BTRC: variants seen among roughly 807,000 people sequenced by gnomAD.
BTRC encodes beta-transducin repeat containing E3 ubiquitin protein ligase.
A neutral mutation model predicts 85.5 loss-of-function variants in BTRC; 42 were observed. That is an observed-to-expected ratio of 0.49 (90% CI 0.38 to 0.64). BTRC has a LOEUF of 0.64. Ranked by LOEUF, BTRC falls within the 30% of genes least tolerant of loss-of-function variation. BTRC has a pLI of 0.00. For missense variants in BTRC, 594 were observed against 743.5 expected, an observed-to-expected ratio of 0.80 and a Z score of 2.34; for synonymous variants, 255 against 263.3, an observed-to-expected ratio of 0.97 and a Z score of 0.30.
At chr10:101,489,551 T>C (rs528992090) in intron 4 of BTRC, among the ~76,000 whole-genome samples, 1 of 152,256 alleles carries the variant, frequency 6.6e-6, no homozygotes, top group South Asian at 2.1e-4. Context: ...CTTACAAAGC[T>C]TGTGAAACCT....
At position 101,542,972 on chromosome 10, in the gene BTRC, G is replaced by A. The variant is rs563836850; in HGVS notation, c.1656+4601G>A. 2.0e-5 allele frequency among the ~76,000 whole-genome samples: 3 copies of A among 152,324 alleles called. No individual in the cohort carries two copies. The South Asian group carries it at 6.2e-4, about 32-fold the overall frequency. ...GCTCACTGCAACCTCTGCCTCCTGG[G>A]TTCAAGCCATTCTCCTGCCTCAGCC... On this transcript the variant is annotated intron_variant, in intron 13 of 14. Transcript: ENST00000370187.
chr10:101,450,010 C>T (rs886919039), intron 2 of BTRC, among the ~76,000 whole-genome samples: 2 of 142,882 alleles, frequency 1.4e-5, no homozygotes, highest in African/African-American at 5.1e-5. Flanking sequence ...AAAAAAAAAA[C>T]TACTTGAAAG....
At chr10:101,403,207 T>A (rs1589426043) in intron 1 of BTRC, among the ~76,000 whole-genome samples, 1 of 152,186 alleles carries the variant, frequency 6.6e-6, no homozygotes, top group Admixed American at 6.5e-5. Flanking sequence ...TCAAGTACTT[T>A]CCATTTCAAG....
At chr10:101,453,752 A>T (rs1456942480) in intron 2 of BTRC, among the ~76,000 whole-genome samples, 1 of 152,236 alleles carries the variant, frequency 6.6e-6, no homozygotes, top group Non-Finnish European at 1.5e-5. Flanking sequence ...GTGTGCTGCC[A>T]TCAAAACATC....
Position 101,528,095 on chromosome 10 carries a change from G to A in BTRC, c.743+1896G>A, listed in dbSNP as rs186938626. Among the ~76,000 whole-genome samples, 337 of 152,170 alleles carry A rather than the reference G, an allele frequency of 2.2e-3. 1 individual carries two copies. Among genetic ancestry groups the A allele is most frequent in the Middle Eastern group, 6.8e-3 (2 of 294 alleles). ...GTATCCCTCAGAAAAAAAGAATCTC[G>A]TCTCCAAATAACTCCTGAAATTTCA... On this transcript the variant is annotated intron_variant, in intron 6 of 14. Coordinates refer to ENST00000370187, the MANE Select transcript of BTRC (RefSeq NM_033637.4).
intron 4 of BTRC, among the ~76,000 whole-genome samples, chr10:101,492,454 A>G (rs1946157806): frequency 6.6e-6 from 1 of 152,170 alleles, no homozygotes; most frequent in African/African-American, 2.4e-5. Flanking sequence ...TTTTATTTAC[A>G]TCTATGTGTG....
chr10:101,460,357 T>C (rs528723429), intron 2 of BTRC, among the ~76,000 whole-genome samples: 1 of 152,362 alleles, frequency 6.6e-6, no homozygotes, highest in East Asian at 1.9e-4. Context: ...TTTGTAGTCA[T>C]TAATTCAATT....
intron 4 of BTRC, among the ~76,000 whole-genome samples, chr10:101,518,014 G>A (rs965963127): frequency 2.1e-5 from 3 of 146,332 alleles, no homozygotes; most frequent in Non-Finnish European, 3.0e-5. Flanking sequence ...CCGGGTTCAC[G>A]CCATTCTCCT....
intron 4 of BTRC, among the ~76,000 whole-genome samples, chr10:101,484,288 A>G (rs976036642): frequency 7.2e-5 from 11 of 152,262 alleles, no homozygotes; most frequent in Admixed American, 2.0e-4. Flanking sequence ...TATCCGCAGG[A>G]AACAAGCTGT....
rs2062638114 is a variant in BTRC, at chr10:101,550,822, C to CG, written c.1781dup (p.Ser595PhefsTer26). 6.2e-7 allele frequency: 1 copy of CG among 1,614,036 alleles called. No homozygotes were observed. The highest frequency in any genetic ancestry group is 8.5e-7 in the Non-Finnish European group (1 of 1,179,940). On this transcript the variant is annotated frameshift_variant, in exon 14 of 15. Coordinates refer to ENST00000370187, the MANE Select transcript of BTRC (RefSeq NM_033637.4). LOFTEE classifies it high-confidence loss of function. Reference sequence around the variant, plus strand: ...TCCAGCTGCCCAAGCTGAACCCCCCCGTTCCCCTTCTCGAACATACACCTA... The same window carrying CG: ...TCCAGCTGCCCAAGCTGAACCCCCCCGGTTCCCCTTCTCGAACATACACCTA...
chr10:101,526,035 T>G lies in BTRC; in HGVS notation c.579T>G (p.Ala193=). ...ALPARGLDHI[A]ENILSYLDAK... Reference sequence around the variant, plus strand: ...AAGCTCGGGGATTGGATCATATTGCTGAGAACATTCTGTCATACCTGGATG... The same window carrying G: ...AAGCTCGGGGATTGGATCATATTGCGGAGAACATTCTGTCATACCTGGATG... Residue 193 remains alanine (A), a synonymous_variant, in exon 6 of 15, where the codon GCT becomes GCG. Transcript: ENST00000370187. The G allele has an allele frequency of 1.2e-6, 2 of 1,614,198 alleles. No individual in the cohort carries two copies. Among genetic ancestry groups the G allele is most frequent in the Non-Finnish European group, 1.7e-6 (2 of 1,180,024 alleles).
chr10:101,358,269 T>C (rs564670876), intron 1 of BTRC, among the ~76,000 whole-genome samples: 5 of 151,910 alleles, frequency 3.3e-5, no homozygotes, highest in Non-Finnish European at 7.4e-5. Flanking sequence ...TATTTTTTTT[T>C]TCTTTTTTGT....
At chr10:101,521,445 T>G (rs2062103472) in intron 4 of BTRC, among the ~76,000 whole-genome samples, 194 bp from the exon 5 acceptor site, 1 of 152,256 alleles carries the variant, frequency 6.6e-6, no homozygotes, top group Non-Finnish European at 1.5e-5. Context: ...AAATGGATGC[T>G]TAGTCTTCTA....
intron 4 of BTRC, among the ~76,000 whole-genome samples, chr10:101,509,890 G>A (rs943000397): frequency 5.9e-5 from 9 of 151,744 alleles, no homozygotes; most frequent in South Asian, 2.1e-4. Context: ...GCTTTTGGCC[G>A]GGTGCGATGG....
intron 1 of BTRC, among the ~76,000 whole-genome samples, chr10:101,356,642 T>G (rs1052278160): frequency 6.6e-6 from 1 of 152,206 alleles, no homozygotes; most frequent in Non-Finnish European, 1.5e-5. Context: ...CTGTTTTGGC[T>G]GCCATTTGAG....
At chr10:101,384,168 T>G (rs188086548) in intron 1 of BTRC, among the ~76,000 whole-genome samples, 11 of 152,368 alleles carry the variant, frequency 7.2e-5, no homozygotes, top group African/African-American at 2.2e-4. Flanking sequence ...CTGGTTTTGT[T>G]AAGTCTGTGC....
chr10:101,542,814 CGA>C (rs1378147061), intron 13 of BTRC, among the ~76,000 whole-genome samples: 2 of 152,066 alleles, frequency 1.3e-5, no homozygotes, highest in Non-Finnish European at 2.9e-5. Context: ...GGCTCAACCT[CGA>C]CAAAGTACTG....
intron 1 of BTRC, among the ~76,000 whole-genome samples, chr10:101,402,480 A>G (rs1246983093): frequency 1.3e-5 from 2 of 152,208 alleles, no homozygotes; most frequent in Non-Finnish European, 2.9e-5. Context: ...ACAATTGTAA[A>G]TAAACATTAG....
intron 4 of BTRC, among the ~76,000 whole-genome samples, chr10:101,497,392 A>G (rs1946289150): frequency 6.6e-6 from 1 of 152,256 alleles, no homozygotes; most frequent in African/African-American, 2.4e-5. Flanking sequence ...CAGTCTTCAT[A>G]TATTTGTTTA....
Sources: gnomAD v4.1 joint callset for allele counts (sites outside exome capture counted in the v4.1 genomes callset) on GRCh38, gnomAD v4.1.1 for gene constraint, MANE v1.5 for transcripts, NCBI Gene and HGNC (gene_info 2026-07-23, HGNC 2026-07-21) for gene names.